PROCR: variants seen among roughly 807,000 people sequenced by gnomAD.
The protein encoded by PROCR is protein C receptor, also known as endothelial protein C receptor.
In PROCR, 22 loss-of-function variants were observed where a neutral mutation model predicts 24.2. That is an observed-to-expected ratio of 0.91 (90% CI 0.65 to 1.30). The LOEUF (loss-of-function observed/expected upper bound fraction) is 1.30, where lower values mean the gene tolerates loss of function less well. Ranked by LOEUF, PROCR falls within the 50% of genes most tolerant of loss-of-function variation. PROCR has a pLI of 0.00. For missense variants in PROCR, 288 were observed against 307.7 expected (o/e 0.94, Z 0.48); for synonymous variants, 137 against 139.2 (o/e 0.98, Z 0.11).
At chr20:35,208,316 G>T (rs1019805629) in intron 1 of PROCR, among the ~76,000 whole-genome samples, 3 of 152,136 alleles carry the variant, frequency 2.0e-5, no homozygotes, top group Non-Finnish European at 4.4e-5. Context: ...TTCCACAGTC[G>T]TATAGCCAAA....
intron 1 of PROCR, among the ~76,000 whole-genome samples, chr20:35,186,410 T>C (rs530792007): frequency 6.7e-6 from 1 of 149,864 alleles, no homozygotes; most frequent in Admixed American, 6.7e-5. Context: ...CTTCTAAAAA[T>C]AGAAAATTAG....
chr20:35,193,312 C>A (rs2086189906), intron 1 of PROCR, among the ~76,000 whole-genome samples: 1 of 152,030 alleles, frequency 6.6e-6, no homozygotes, highest in African/African-American at 2.4e-5. Context: ...AGTAGTTGGG[C>A]CTACAGGCGC....
At chr20:35,171,878 G>A (rs1176657056), upstream of PROCR, among the ~76,000 whole-genome samples, 1 of 152,150 alleles carries the variant, frequency 6.6e-6, no homozygotes, top group Non-Finnish European at 1.5e-5. Flanking sequence ...GCAGCCCAAG[G>A]AGAAGGGAAA....
chr20:35,183,354 G>A (rs1370218997), intron 1 of PROCR, among the ~76,000 whole-genome samples: 1 of 152,084 alleles, frequency 6.6e-6, no homozygotes, highest in Admixed American at 6.6e-5. Flanking sequence ...GATTACACAT[G>A]AGATCTCGTT....
intron 1 of PROCR, among the ~76,000 whole-genome samples, chr20:35,188,268 C>CTGAT (rs2146160264): frequency 6.6e-6 from 1 of 152,244 alleles, no homozygotes; most frequent in East Asian, 1.9e-4. Context: ...TGCCCAGGAA[C>CTGAT]TGATAGTCTA....
At chr20:35,190,883 CAG>C (rs2086167709) in intron 1 of PROCR, among the ~76,000 whole-genome samples, 1 of 152,110 alleles carries the variant, frequency 6.6e-6, no homozygotes, top group African/African-American at 2.4e-5. Flanking sequence ...TTTTTTGAGA[CAG>C]AGTCTCGCTC....
chr20:35,189,666 A>G (rs1288111699), intron 1 of PROCR, among the ~76,000 whole-genome samples: 2 of 152,166 alleles, frequency 1.3e-5, no homozygotes, highest in Non-Finnish European at 2.9e-5. Flanking sequence ...ACCTGCCGAC[A>G]TGTGATGTCT....
At chr20:35,213,877 C>A (rs2146184283) in intron 1 of PROCR, among the ~76,000 whole-genome samples, 1 of 151,852 alleles carries the variant, frequency 6.6e-6, no homozygotes, top group South Asian at 2.1e-4. Context: ...GAGTTCGAGA[C>A]CAGCCTGCCC....
chr20:35,207,749 C>G (rs1026427843), intron 1 of PROCR, among the ~76,000 whole-genome samples: 3 of 151,978 alleles, frequency 2.0e-5, no homozygotes, highest in Admixed American at 6.6e-5. Context: ...AGGCTGGTCT[C>G]GAACTCCTGA....
chr20:35,183,436 C>T (rs1467573413), intron 1 of PROCR, among the ~76,000 whole-genome samples: 1 of 152,188 alleles, frequency 6.6e-6, no homozygotes, highest in Non-Finnish European at 1.5e-5. Flanking sequence ...CCTGCTCCCC[C>T]TTTGCCTTCC....
At chr20:35,184,982 A>G (rs918776894) in intron 1 of PROCR, among the ~76,000 whole-genome samples, 3 of 151,646 alleles carry the variant, frequency 2.0e-5, no homozygotes, top group African/African-American at 7.3e-5. Flanking sequence ...ACATCTGACA[A>G]AGGACTAATA....
downstream of PROCR, among the ~76,000 whole-genome samples, chr20:35,179,332 A>G (rs1362515262): frequency 6.6e-6 from 1 of 151,518 alleles, no homozygotes; most frequent in Non-Finnish European, 1.5e-5. Context: ...GCTTGAGCTC[A>G]GGGGTTTGAG....
intron 1 of PROCR, among the ~76,000 whole-genome samples, chr20:35,194,733 G>A (rs2086201444): frequency 6.6e-6 from 1 of 152,184 alleles, no homozygotes; most frequent in African/African-American, 2.4e-5. Context: ...GAGTGGCATG[G>A]GGTAGATTCA....
chr20:35,189,267 G>A (rs2086152803), intron 1 of PROCR, among the ~76,000 whole-genome samples: 2 of 55,738 alleles, frequency 3.6e-5, no homozygotes, highest in African/African-American at 5.6e-4. Flanking sequence ...ACGCATTCCG[G>A]GGGGGGGCCT....
At chr20:35,211,798 G>A (rs905671535) in intron 1 of PROCR, among the ~76,000 whole-genome samples, 21 of 152,086 alleles carry the variant, frequency 1.4e-4, no homozygotes, top group Admixed American at 2.6e-4. Context: ...AGGATCACCC[G>A]AGATCAGGAG....
Position 35,205,332 on chromosome 20 carries a change from G to GA in PROCR, c.95-10554dup, listed in dbSNP as rs199862842. Among the ~76,000 whole-genome samples, 20 of 144,318 alleles carry GA rather than the reference G, an allele frequency of 1.4e-4. No homozygotes were observed. The East Asian group carries it at 2.0e-3, about 15-fold the overall frequency. 94.7% of individuals were successfully genotyped at this position (144,318 alleles called of 152,430 possible). A position where few individuals can be genotyped will look rare whatever the true frequency, so the allele number is the denominator to read the frequency against. On this transcript the variant is annotated intron_variant, in intron 1 of 1. Transcript: ENST00000634509. ...TTCACCATATTGGCAGACTAAGGAA[G>GA]AAAAAAACACATGATAATCCTAACT... is the stretch of plus-strand genomic sequence containing the variant.
chr20:35,184,015 A>G (rs911409608), intron 1 of PROCR, among the ~76,000 whole-genome samples: 1 of 152,232 alleles, frequency 6.6e-6, no homozygotes, highest in Non-Finnish European at 1.5e-5. Flanking sequence ...TCCCCATCAA[A>G]ATACCACCAT....
Position 35,176,347 on chromosome 20 carries a change from C to T in PROCR, c.502C>T (p.Leu168Phe). 1 of 1,614,244 alleles carries T rather than the reference C, an allele frequency of 6.2e-7. No homozygotes were observed. Among genetic ancestry groups the T allele is most frequent in the Non-Finnish European group, 8.5e-7 (1 of 1,180,050 alleles). The change falls in exon 3 of 4, where the codon CTC becomes TTC. Residue 168 changes from leucine to phenylalanine, a missense_variant. Transcript: ENST00000216968. ...AGTGGTCACCTTCACCCTGCAGCAG[C>T]TCAATGCCTACAACCGCACTCGGTA... ...SGVVTFTLQQLNAYNRTRYEL... is the reference protein window; with the variant it reads ...SGVVTFTLQQFNAYNRTRYEL...
At chr20:35,215,827 G>A in intron 1 of PROCR, 2 of 979,872 alleles carry the variant, frequency 2.0e-6, no homozygotes, top group South Asian at 4.7e-5. Flanking sequence ...GGAGGAGAGA[G>A]GTCAAGGAGA....
Sources: allele counts gnomAD v4.1 joint callset (sites outside exome capture counted in the v4.1 genomes callset), GRCh38; gene constraint gnomAD v4.1.1; transcripts MANE v1.5; gene names NCBI Gene and HGNC (gene_info 2026-07-23, HGNC 2026-07-21).